ROBO2: variants seen among roughly 807,000 people sequenced by gnomAD.
The protein encoded by ROBO2 is roundabout guidance receptor 2, also known as roundabout homolog 2.
In ROBO2, 53 loss-of-function variants were observed where a neutral mutation model predicts 160.8. The observed-to-expected ratio is 0.33, with a 90% confidence interval of 0.26 to 0.41. The LOEUF (loss-of-function observed/expected upper bound fraction) is 0.41. ROBO2 is among the 10% of genes least tolerant of loss of function. The pLI is 1.00. For synonymous variants in ROBO2, 664 were observed against 611.7 expected, an observed-to-expected ratio of 1.09 and a Z score of -1.26; for missense variants, 1,577 against 1,722.4, an observed-to-expected ratio of 0.92 and a Z score of 1.49.
intron 2 of ROBO2, among the ~76,000 whole-genome samples, chr3:76,172,675 TA>T (rs553830453): frequency 2.0e-5 from 3 of 151,988 alleles, no homozygotes; most frequent in Non-Finnish European, 4.4e-5. Context: ...GACATTAAAA[TA>T]AACAGATGCT....
At chr3:76,817,106 G>T (rs540936801) in intron 2 of ROBO2, among the ~76,000 whole-genome samples, 2 of 152,174 alleles carry the variant, frequency 1.3e-5, no homozygotes, top group African/African-American at 4.8e-5. Context: ...AGCACTAGGA[G>T]AAATACCTAA....
chr3:76,248,539 C>A (rs1026478238), intron 2 of ROBO2, among the ~76,000 whole-genome samples: 1 of 150,922 alleles, frequency 6.6e-6, no homozygotes, highest in Non-Finnish European at 1.5e-5. Context: ...ATACCTAATG[C>A]TAGATGACAA....
intron 2 of ROBO2, among the ~76,000 whole-genome samples, chr3:76,447,949 G>A (rs919089530): frequency 8.6e-5 from 13 of 150,606 alleles, no homozygotes; most frequent in Admixed American, 1.3e-4. Context: ...GTTAAATGAC[G>A]AGTTAATGGG....
intron 2 of ROBO2, among the ~76,000 whole-genome samples, chr3:77,296,111 T>G (rs1010281423): frequency 6.7e-6 from 1 of 148,714 alleles, no homozygotes; most frequent in Non-Finnish European, 1.5e-5. Flanking sequence ...GTTAAACGGG[T>G]AGGCTGAGTC....
At chr3:77,488,327 C>A (rs2085635624) in intron 4 of ROBO2, among the ~76,000 whole-genome samples, 1 of 152,120 alleles carries the variant, frequency 6.6e-6, no homozygotes, top group Non-Finnish European at 1.5e-5. Flanking sequence ...GATCACTCTG[C>A]AGTTATATAA....
At chr3:75,954,085 C>G (rs147676128) in intron 2 of ROBO2, among the ~76,000 whole-genome samples, 429 of 151,920 alleles carry the variant, frequency 2.8e-3, no homozygotes, top group African/African-American at 8.8e-3. Flanking sequence ...AACCCCCTTC[C>G]CTGTTCATGC....
chr3:75,976,188 T>C (rs933287070), intron 2 of ROBO2, among the ~76,000 whole-genome samples: 1 of 151,584 alleles, frequency 6.6e-6, no homozygotes, highest in African/African-American at 2.4e-5. Context: ...CATGTGACTA[T>C]GCATATACTA....
intron 2 of ROBO2, among the ~76,000 whole-genome samples, chr3:76,453,228 T>G (rs1211434693): frequency 5.9e-5 from 9 of 152,232 alleles, no homozygotes; most frequent in Non-Finnish European, 1.2e-4. Context: ...GCTTTTGGTG[T>G]TTTAGACATG....
chr3:76,085,015 G>T (rs2108052811), intron 2 of ROBO2, among the ~76,000 whole-genome samples: 1 of 152,038 alleles, frequency 6.6e-6, no homozygotes, highest in East Asian at 1.9e-4. Context: ...TGTAACACCT[G>T]TGTGCTTGGA....
At chr3:76,381,486 A>G (rs2076618261) in intron 2 of ROBO2, among the ~76,000 whole-genome samples, 1 of 151,934 alleles carries the variant, frequency 6.6e-6, no homozygotes, top group Admixed American at 6.6e-5. Context: ...AGTAGCTGGG[A>G]CTACAGACAC....
chr3:76,782,190 A>G (rs1403015879), intron 2 of ROBO2, among the ~76,000 whole-genome samples: 1 of 150,706 alleles, frequency 6.6e-6, no homozygotes, highest in Admixed American at 6.6e-5. Flanking sequence ...CATATTTGTG[A>G]ATTATCTGAT....
chr3:76,877,476 G>A (rs549809648), intron 2 of ROBO2, among the ~76,000 whole-genome samples: 174 of 152,310 alleles, frequency 1.1e-3, no homozygotes, highest in African/African-American at 4.1e-3. Context: ...GGAGGTTTAT[G>A]AGAAACATGA....
chr3:76,032,060 C>G (rs190732454), intron 2 of ROBO2, among the ~76,000 whole-genome samples: 4 of 152,084 alleles, frequency 2.6e-5, no homozygotes, highest in Admixed American at 2.6e-4. Context: ...TTCAGACATT[C>G]AACTTCTTCC....
chr3:76,035,164 A>G (rs1379035298), intron 2 of ROBO2, among the ~76,000 whole-genome samples: 3 of 148,784 alleles, frequency 2.0e-5, no homozygotes, highest in African/African-American at 7.5e-5. Flanking sequence ...ATCTTTTTCT[A>G]TGGCTGGACT....
rs572887358 is a variant in ROBO2, at chr3:75,930,286, C to A, written c.-13-7195C>A. ...GCTTGGATATCCTCATTCCTACAAT[C>A]CTTCATTTTTATTGAGACTCTCCTT... is the stretch of plus-strand genomic sequence containing the variant. On this transcript the variant is annotated intron_variant, in intron 1 of 26. Coordinates refer to the ROBO2 transcript ENST00000487694. 1.1e-4 allele frequency among the ~76,000 whole-genome samples: 16 copies of A among 152,188 alleles called. No individual in the cohort carries two copies. The East Asian group carries it at 2.1e-3, about 20-fold the overall frequency.
intron 2 of ROBO2, among the ~76,000 whole-genome samples, chr3:76,418,152 C>A (rs1038537168): frequency 1.4e-4 from 21 of 151,584 alleles, no homozygotes; most frequent in African/African-American, 4.1e-4. Context: ...AAGCAGCCTA[C>A]AAATTTATAA....
intron 2 of ROBO2, among the ~76,000 whole-genome samples, chr3:76,592,602 C>T (rs550457218): frequency 5.0e-4 from 76 of 152,124 alleles, no homozygotes; most frequent in African/African-American, 1.7e-3. Flanking sequence ...TCAAACCTTC[C>T]GTATTAGTTT....
At chr3:76,874,531 T>C (rs1321756216) in intron 2 of ROBO2, among the ~76,000 whole-genome samples, 2 of 152,156 alleles carry the variant, frequency 1.3e-5, no homozygotes, top group African/African-American at 4.8e-5. Context: ...ATTGTCAAGC[T>C]AGCAGAGGGG....
intron 2 of ROBO2, among the ~76,000 whole-genome samples, chr3:76,806,214 C>CGTGCGT (rs1553912104): frequency 2.1e-5 from 3 of 146,168 alleles, no homozygotes; most frequent in Non-Finnish European, 4.5e-5. Flanking sequence ...TTTCTGTGTG[C>CGTGCGT]GTGTGTGTGT....
Sources: allele counts gnomAD v4.1 joint callset (sites outside exome capture counted in the v4.1 genomes callset), GRCh38; gene constraint gnomAD v4.1.1; transcripts MANE v1.5; gene names NCBI Gene and HGNC (gene_info 2026-07-23, HGNC 2026-07-21).